BACE2: variants seen among roughly 807,000 people sequenced by gnomAD.
The protein encoded by BACE2 is 56 kDa aspartic-like protease.
BACE2 carries 17 observed loss-of-function variants against 46.2 expected under a neutral mutation model. The observed-to-expected ratio is 0.37, with a 90% CI of 0.25 to 0.55. BACE2 has a LOEUF of 0.55. BACE2 is among the 20% of genes least tolerant of loss of function. The pLI is 0.82. For missense variants in BACE2, 595 were observed against 698.1 expected (o/e 0.85, Z 1.66); for synonymous variants, 277 against 295.9 (o/e 0.94, Z 0.66).
At chr21:41,174,820 G>A (rs1426308228) in intron 1 of BACE2, among the ~76,000 whole-genome samples, 2 of 152,098 alleles carry the variant, frequency 1.3e-5, no homozygotes, top group African/African-American at 4.8e-5. Flanking sequence ...TCCCTCCTCT[G>A]GGTCACCCTG....
chr21:41,244,246 A>C (rs1044713873), intron 5 of BACE2, among the ~76,000 whole-genome samples: 1 of 152,164 alleles, frequency 6.6e-6, no homozygotes, highest in Admixed American at 6.5e-5. Context: ...ATCAATTCTC[A>C]TATATGCAGG....
intron 1 of BACE2, among the ~76,000 whole-genome samples, chr21:41,198,292 C>T (rs1250304876): frequency 6.6e-6 from 1 of 152,110 alleles, no homozygotes; most frequent in African/African-American, 2.4e-5. Context: ...TGCCCAGCCC[C>T]CAAAATATAT....
intron 6 of BACE2, 153 bp downstream of exon 6, chr21:41,246,216 T>A: frequency 2.4e-6 from 1 of 410,194 alleles, no homozygotes; most frequent in Non-Finnish European, 4.3e-6. Flanking sequence ...TGTAATAGTA[T>A]AGGTGTAATA....
At chr21:41,213,601 C>T (rs576116417) in intron 1 of BACE2, among the ~76,000 whole-genome samples, 7 of 152,008 alleles carry the variant, frequency 4.6e-5, no homozygotes, top group Middle Eastern at 3.2e-3. Context: ...GGTGAAACCC[C>T]GTCTCTACTA....
chr21:41,241,618 A>G (rs73222273), intron 3 of BACE2: 49,715 of 562,224 alleles, frequency 0.088, 2,641 homozygotes, highest in Middle Eastern at 0.11. Flanking sequence ...GCCGTGCCCA[A>G]AGGAAGAATG....
chr21:41,183,047 T>C (rs915289642), intron 1 of BACE2: 6 of 166,918 alleles, frequency 3.6e-5, no homozygotes, highest in Admixed American at 2.0e-4. Context: ...GAAGAAGTCA[T>C]GAACTTCACA....
At chr21:41,204,403 T>A (rs371210120) in intron 1 of BACE2, among the ~76,000 whole-genome samples, 39 of 151,784 alleles carry the variant, frequency 2.6e-4, no homozygotes, top group East Asian at 1.9e-3. Flanking sequence ...TAAGCGGGAG[T>A]GATCCTGGGA....
At chr21:41,211,246 T>A (rs1358717308) in intron 1 of BACE2, among the ~76,000 whole-genome samples, 1 of 146,344 alleles carries the variant, frequency 6.8e-6, no homozygotes, top group Non-Finnish European at 1.5e-5. Flanking sequence ...CAGGTATCCA[T>A]GTGTCTCTCA....
At chr21:41,226,474 G>A (rs1601287005) in intron 2 of BACE2, 120 bp downstream of exon 2, 1 of 779,448 alleles carries the variant, frequency 1.3e-6, no homozygotes, top group East Asian at 2.5e-5. Flanking sequence ...ATACCAATAT[G>A]TATGTGTATG....
chr21:41,185,398 A>G (rs975140831), intron 1 of BACE2, among the ~76,000 whole-genome samples: 1 of 152,160 alleles, frequency 6.6e-6, no homozygotes, highest in Non-Finnish European at 1.5e-5. Context: ...TAGTGGAGAT[A>G]CTGAAAAAAA....
At chr21:41,178,943 A>G in intron 1 of BACE2, 1 of 439,004 alleles carries the variant, frequency 2.3e-6, no homozygotes, top group Non-Finnish European at 3.7e-6. Context: ...CTGCTTTATA[A>G]GGGCGGTTAT....
intron 1 of BACE2, chr21:41,178,453 G>C (rs1471239965): frequency 6.6e-6 from 1 of 152,256 alleles, no homozygotes; most frequent in Non-Finnish European, 1.5e-5. Context: ...TCGGCACATT[G>C]GCTGGGTGTG....
chr21:41,240,407 T>C (rs1987251859), intron 3 of BACE2, among the ~76,000 whole-genome samples: 1 of 152,230 alleles, frequency 6.6e-6, no homozygotes. Flanking sequence ...AGTGAAGGAC[T>C]TGACAGAATG....
At position 41,228,262 on chromosome 21, in the gene BACE2, C is replaced by T. The variant is rs117122076; in HGVS notation, c.401+1908C>T. Among the ~76,000 whole-genome samples the T allele has an allele frequency of 9.0e-3, 1,366 of 152,290 alleles. 10 individuals carry two copies. The highest frequency in any genetic ancestry group is 0.013 in the Non-Finnish European group (851 of 68,028). On this transcript the variant is annotated intron_variant, in intron 2 of 8. Transcript: ENST00000330333. ...CTGGCTCCGTGGTGCTGGTAGACCA[C>T]GCAGTAGGCAGATGCTGGAGGTGAG...
At chr21:41,244,930 TTTGGAGGTGTGATTC>T (rs1987423060) in intron 5 of BACE2, among the ~76,000 whole-genome samples, 1 of 152,054 alleles carries the variant, frequency 6.6e-6, no homozygotes, top group Non-Finnish European at 1.5e-5. Flanking sequence ...AAAGCCTGTA[TTTGGAGGTGTGATTC>T]TTAGATTCTA....
chr21:41,227,554 C>T lies in BACE2; in HGVS notation c.401+1200C>T, dbSNP rs76793729. Reference sequence around the variant, plus strand: ...GCTACCTACACCACATCCTGGGCTCCACTTTGGTGCCATAAATGATGGGGC... The same window carrying T: ...GCTACCTACACCACATCCTGGGCTCTACTTTGGTGCCATAAATGATGGGGC... On this transcript the variant is annotated intron_variant, in intron 2 of 8. Coordinates refer to ENST00000330333, the MANE Select transcript of BACE2 (RefSeq NM_012105.5). Among the ~76,000 whole-genome samples, 947 of 152,286 alleles carry T rather than the reference C, an allele frequency of 6.2e-3. 32 individuals carry two copies. Among genetic ancestry groups the T allele is most frequent in the Admixed American group, 0.049 (742 of 15,292 alleles).
chr21:41,221,903 A>G (rs2123565663), intron 1 of BACE2, among the ~76,000 whole-genome samples: 1 of 152,008 alleles, frequency 6.6e-6, no homozygotes, highest in Non-Finnish European at 1.5e-5. Context: ...CACGGCAGAC[A>G]GAGCAGCAAA....
At position 41,168,438 on chromosome 21, in the gene BACE2, G is replaced by A; in HGVS notation, c.175G>A (p.Gly59Ser). Residue 59 changes from glycine (G) to serine (S), a missense_variant, in exon 1 of 9, where the codon GGC becomes AGC. Coordinates refer to ENST00000330333, the MANE Select transcript of BACE2 (RefSeq NM_012105.5). The part of the protein sequence containing the change: ...PGTPAERHAD[G>S]LALALEPALA... ...GACCCCTGCCGAGCGCCACGCCGAC[G>A]GCTTGGCGCTCGCCCTGGAGCCTGC... 7.2e-7 allele frequency: 1 copy of A among 1,395,010 alleles called. No homozygotes were observed. The highest frequency in any genetic ancestry group is 9.3e-7 in the Non-Finnish European group (1 of 1,072,248). The allele number at this position is 1,395,010 out of a possible 1,614,324, so 86.4% of individuals were successfully genotyped here. A position where few individuals can be genotyped will look rare whatever the true frequency, so the allele number is the denominator to read the frequency against.
chr21:41,239,201 G>C (rs931038252), intron 3 of BACE2, among the ~76,000 whole-genome samples: 6 of 152,028 alleles, frequency 3.9e-5, no homozygotes, highest in Admixed American at 3.9e-4. Context: ...GGGGTGGGGA[G>C]GGCAAGAGGA....
Sources: allele counts gnomAD v4.1 joint callset (sites outside exome capture counted in the v4.1 genomes callset), GRCh38; gene constraint gnomAD v4.1.1; transcripts MANE v1.5; gene names NCBI Gene and HGNC (gene_info 2026-07-23, HGNC 2026-07-21).